Variants in SLC44A2 observed in about 807,000 individuals in gnomAD.
SLC44A2 encodes the protein solute carrier family 44 member 2 (CTL2 blood group), also known as choline transporter-like protein 2.
Under a neutral mutation model 90.8 loss-of-function variants are expected in SLC44A2, and 57 were observed. The observed-to-expected ratio is 0.63, with a 90% confidence interval of 0.51 to 0.78. SLC44A2 has a LOEUF of 0.78. SLC44A2 is among the 30% of genes least tolerant of loss of function. The pLI, the probability that SLC44A2 is intolerant of heterozygous loss-of-function variation, is 0.00. For synonymous variants in SLC44A2, 355 were observed against 360.7 expected (o/e 0.98, Z 0.18); for missense variants, 794 against 919.7 (o/e 0.86, Z 1.77).
chr19:10,641,477 G>T, intron 20 of SLC44A2: 1 of 430,570 alleles, frequency 2.3e-6, no homozygotes. Flanking sequence ...CTTGCTCTTT[G>T]AGCTGAAAGC....
chr19:10,629,668 C>T (rs1032367131), intron 4 of SLC44A2, among the ~76,000 whole-genome samples: 2 of 152,014 alleles, frequency 1.3e-5, no homozygotes, highest in African/African-American at 2.4e-5. Context: ...GCCTGGAACT[C>T]CTGGGCTTAA....
In SLC44A2 at chr19:10,626,319, T is replaced by G; in HGVS notation, c.86+18T>G. 6.3e-7 allele frequency: 1 copy of G among 1,597,306 alleles called. No homozygotes were observed. The highest frequency in any genetic ancestry group is 8.6e-7 in the Non-Finnish European group (1 of 1,164,806). On this transcript the variant is annotated intron_variant, in intron 2 of 21. Coordinates refer to ENST00000335757, the MANE Select transcript of SLC44A2 (RefSeq NM_020428.4). ...TACAATAGGTAAGAGCTCTGGGTTT[T>G]GGGGGGTTCTCCCCGCTAATACTAC...
upstream of SLC44A2, among the ~76,000 whole-genome samples, chr19:10,621,303 G>C (rs893534313): frequency 2.6e-5 from 4 of 151,132 alleles, no homozygotes; most frequent in African/African-American, 9.7e-5. Context: ...AGTGAGCCTA[G>C]ATGGCACCAC....
chr19:10,643,540 A>G lies in SLC44A2; in HGVS notation c.*155A>G. 1.2e-6 allele frequency: 1 copy of G among 862,106 alleles called. No homozygotes were observed. The highest frequency in any genetic ancestry group is 1.7e-6 in the Non-Finnish European group (1 of 591,024). The allele number at this position is 862,106 out of a possible 1,614,324, so 53.4% of individuals were successfully genotyped here. A position where few individuals can be genotyped will look rare whatever the true frequency, so the allele number is the denominator to read the frequency against. ...ATCCCACCAGTTTCTGGACGTGGAG[A>G]GTCTGGGGCATCTCCTTCTTATGCC... is the stretch of plus-strand genomic sequence containing the variant. On this transcript the variant is annotated 3_prime_UTR_variant, in exon 22 of 22. Transcript: ENST00000335757.
At chr19:10,625,436 G>C (rs1240250129), upstream of SLC44A2, 2 of 1,205,296 alleles carry the variant, frequency 1.7e-6, no homozygotes, top group African/African-American at 3.2e-5. Context: ...CTGCAGCCCC[G>C]CCCGCGCCCT....
At chr19:10,605,469 GT>G (rs1180895623) in intron 1 of SLC44A2, among the ~76,000 whole-genome samples, 1 of 152,088 alleles carries the variant, frequency 6.6e-6, no homozygotes, top group Non-Finnish European at 1.5e-5. Flanking sequence ...AGCCGAGTTT[GT>G]GCCACTGCAC....
chr19:10,606,522 A>G (rs921071944), intron 1 of SLC44A2, among the ~76,000 whole-genome samples: 8 of 151,886 alleles, frequency 5.3e-5, no homozygotes, highest in Non-Finnish European at 5.9e-5. Context: ...CTAAAAATAC[A>G]AAAATTGGCT....
At chr19:10,630,750 T>C (rs1045563007) in intron 4 of SLC44A2, among the ~76,000 whole-genome samples, 2 of 151,340 alleles carry the variant, frequency 1.3e-5, no homozygotes, top group African/African-American at 2.4e-5. Flanking sequence ...ACACCTGTAA[T>C]ACCAACACTT....
chr19:10,610,075 G>A (rs1205390507), intron 1 of SLC44A2, among the ~76,000 whole-genome samples: 1 of 151,822 alleles, frequency 6.6e-6, no homozygotes, highest in Non-Finnish European at 1.5e-5. Flanking sequence ...CAAAGTGCTG[G>A]GATTACAGGC....
chr19:10,618,652 T>G (rs367810307), intron 1 of SLC44A2, among the ~76,000 whole-genome samples: 1 of 151,950 alleles, frequency 6.6e-6, no homozygotes, highest in South Asian at 2.1e-4. Context: ...GCTAATTTTT[T>G]GTATTTTTAG....
intron 1 of SLC44A2, among the ~76,000 whole-genome samples, chr19:10,616,304 C>G (rs1017370444): frequency 1.3e-5 from 2 of 152,098 alleles, no homozygotes; most frequent in Non-Finnish European, 2.9e-5. Flanking sequence ...AATCTGAGCC[C>G]TCTGCAACCT....
At chr19:10,603,619 C>T (rs1468103808) in intron 1 of SLC44A2, among the ~76,000 whole-genome samples, 1 of 152,194 alleles carries the variant, frequency 6.6e-6, no homozygotes, top group Non-Finnish European at 1.5e-5. Context: ...TGGGACCTTC[C>T]CTGCAGAGCC....
intron 1 of SLC44A2, among the ~76,000 whole-genome samples, chr19:10,613,345 G>A (rs961022595): frequency 7.9e-5 from 12 of 152,070 alleles, no homozygotes; most frequent in South Asian, 6.2e-4. Flanking sequence ...TGCCTCCTGG[G>A]TTCAAGTGAT....
intron 1 of SLC44A2, among the ~76,000 whole-genome samples, chr19:10,618,473 C>A (rs1182602111): frequency 2.0e-5 from 2 of 98,996 alleles, no homozygotes; most frequent in Non-Finnish European, 3.8e-5. Flanking sequence ...CTGCGCCCGG[C>A]CTTTTTTTTT....
chr19:10,633,324 C>T (rs1248748134), intron 10 of SLC44A2, among the ~76,000 whole-genome samples: 1 of 151,406 alleles, frequency 6.6e-6, no homozygotes, highest in South Asian at 2.1e-4. Context: ...CCACCATGCC[C>T]GGCTAATTTT....
At chr19:10,642,870 C>T (rs2067133017) in intron 21 of SLC44A2, 1 of 1,559,372 alleles carries the variant, frequency 6.4e-7, no homozygotes, top group South Asian at 1.2e-5. Flanking sequence ...CCCATTTTCC[C>T]CCTGCCGGTT....
rs769814841 is a variant in SLC44A2 at position 10,631,015 on chromosome 19, A to AAC, written c.246-41_246-40insCA. The AAC allele has an allele frequency of 8.4e-6, 13 of 1,550,460 alleles. No homozygotes were observed. The East Asian group carries it at 2.9e-4, about 35-fold the overall frequency. On this transcript the variant is annotated intron_variant, in intron 4 of 21. Transcript: ENST00000335757. ...AGCGAGACTCTGTCTCAAAAAAAAA[A>AAC]AAAAATCTTAACAGTTTCCATTCTC...
chr19:10,612,696 A>G (rs1490896843), intron 1 of SLC44A2, among the ~76,000 whole-genome samples: 1 of 152,222 alleles, frequency 6.6e-6, no homozygotes, highest in Non-Finnish European at 1.5e-5. Context: ...TGGCACCAGC[A>G]CTGTGACTGG....
At chr19:10,621,437 T>TTG (rs1555758127), upstream of SLC44A2, among the ~76,000 whole-genome samples, 14 of 144,398 alleles carry the variant, frequency 9.7e-5, no homozygotes, top group South Asian at 4.4e-4. Flanking sequence ...TTTTTTTTTT[T>TTG]TTTTGGTTTT....
Sources: allele counts gnomAD v4.1 joint callset (sites outside exome capture counted in the v4.1 genomes callset), GRCh38; gene constraint gnomAD v4.1.1; transcripts MANE v1.5; gene names NCBI Gene and HGNC (gene_info 2026-07-23, HGNC 2026-07-21).